Variants in SPATA22 observed in about 807,000 individuals in gnomAD.
SPATA22 encodes the protein spermatogenesis associated 22.
Under a neutral mutation model 47.8 loss-of-function variants are expected in SPATA22, and 29 were observed. The ratio of observed to expected loss-of-function variants is 0.61; its 90% confidence interval spans 0.45 to 0.83. The LOEUF (loss-of-function observed/expected upper bound fraction) is 0.83. SPATA22 is among the 40% of genes least tolerant of loss of function. The pLI is 0.00. For synonymous variants in SPATA22, 133 were observed against 140.9 expected (o/e 0.94, Z 0.40); for missense variants, 410 against 421.7 (o/e 0.97, Z 0.24).
intron 1 of SPATA22, among the ~76,000 whole-genome samples, chr17:3,492,532 T>A (rs1167584211): frequency 1.3e-5 from 2 of 152,218 alleles, no homozygotes; most frequent in Non-Finnish European, 2.9e-5. Context: ...AGATAGAGTC[T>A]ATTTTTCCAC....
At position 3,485,027 on chromosome 17, in the gene SPATA22, G is replaced by T. The variant is rs2029351; in HGVS notation, c.-73-15629C>A. ...ATCATTCACAGTAGGGTTTTGTTTT[G>T]TTTTTTTTCTGGAAAAGGGTCTCAC... On this transcript the variant is annotated intron_variant, in intron 1 of 8. Transcript: ENST00000541913. This position sits in a 1 kb window ranked among gnomAD's most constrained non-coding sequence, Gnocchi z 4.4. Among the ~76,000 whole-genome samples the T allele has an allele frequency of 0.27, 41,177 of 151,148 alleles. 5,921 individuals carry two copies. The highest frequency in any genetic ancestry group is 0.46 in the East Asian group (2,360 of 5,148).
chr17:3,491,877 CTTTTT>C (rs540965896), intron 1 of SPATA22, among the ~76,000 whole-genome samples: 7 of 123,064 alleles, frequency 5.7e-5, no homozygotes, highest in Non-Finnish European at 8.1e-5. Flanking sequence ...CTTTTGTTTT[CTTTTT>C]TTTTTTTTTT....
At chr17:3,461,322 A>G (rs1289803409) in intron 5 of SPATA22, among the ~76,000 whole-genome samples, 2 of 152,228 alleles carry the variant, frequency 1.3e-5, no homozygotes, top group African/African-American at 4.8e-5. Flanking sequence ...TCTTCAGCAG[A>G]TTACCAACTG....
chr17:3,509,921 G>A (rs60621034), intron 1 of SPATA22, among the ~76,000 whole-genome samples: 5,911 of 152,232 alleles, frequency 0.039, 264 homozygotes, highest in East Asian at 0.26. Context: ...GACCAGTGAT[G>A]ATGAGCTTTT....
At chr17:3,455,952 G>A (rs2072982486) in intron 5 of SPATA22, among the ~76,000 whole-genome samples, 1 of 152,096 alleles carries the variant, frequency 6.6e-6, no homozygotes, top group Admixed American at 6.6e-5. Context: ...CCATTTGTTT[G>A]TATCCTCTTT....
intron 3 of SPATA22, among the ~76,000 whole-genome samples, chr17:3,464,731 ACCCTCCGC>A (rs1597406684): frequency 8.2e-6 from 1 of 121,274 alleles, no homozygotes; most frequent in East Asian, 2.6e-4. Flanking sequence ...AAGGGAGGAG[ACCCTCCGC>A]CCGGCAACCG....
chr17:3,511,515 T>C (rs1022100363), intron 1 of SPATA22: 2 of 152,246 alleles, frequency 1.3e-5, no homozygotes, highest in African/African-American at 2.4e-5. Flanking sequence ...CTTTTCACTC[T>C]GATGCTTCTT....
Position 3,485,712 on chromosome 17 carries a change from T to A in SPATA22, c.-73-16314A>T, listed in dbSNP as rs62071297. Among the ~76,000 whole-genome samples, 56,028 of 152,022 alleles carry A rather than the reference T, an allele frequency of 0.37. 13,043 individuals carry two copies. The highest frequency in any genetic ancestry group is 0.54 in the Non-Finnish European group (36,732 of 67,944). On this transcript the variant is annotated intron_variant, in intron 1 of 8. Transcript: ENST00000541913. This position sits in a 1 kb window ranked among gnomAD's most constrained non-coding sequence, Gnocchi z 4.4. ...AAGACCTGTCAAAGATCTGAGAAAT[T>A]TTACCCGACTTACAAGCTAACCATT... is the stretch of plus-strand genomic sequence containing the variant.
rs190850127 is a variant in SPATA22 at position 3,440,317 on chromosome 17, T to G, written c.922A>C (p.Ile308Leu). 351 of 1,569,398 alleles carry G rather than the reference T, an allele frequency of 2.2e-4. 1 individual carries two copies. The East Asian group carries it at 6.3e-3, about 28-fold the overall frequency. The part of the protein sequence containing the change: ...YEIDRELPRL[I>L]RGRVHRCVGN... The stretch of plus-strand genomic sequence containing the variant: ...ACACATCTATGAACTCGGCCTCTAA[T>G]CAGTCTCGGAAGTTCACGATCCTGT... The change falls in exon 9 of 9, where the codon ATT becomes CTT. Residue 308 changes from isoleucine to leucine, a missense_variant. Ile to Leu is a conservative substitution (Grantham distance 5). Coordinates refer to ENST00000572969, the MANE Select transcript of SPATA22 (RefSeq NM_001170698.2).
intron 1 of SPATA22, chr17:3,502,172 T>A (rs188329105): frequency 1.4e-4 from 22 of 152,322 alleles, no homozygotes; most frequent in Admixed American, 1.4e-3. Flanking sequence ...AGCAAAAAGA[T>A]CATGAATTGC....
At chr17:3,462,181 A>G (rs939809163) in intron 5 of SPATA22, among the ~76,000 whole-genome samples, 2 of 152,226 alleles carry the variant, frequency 1.3e-5, no homozygotes, top group African/African-American at 4.8e-5. Context: ...TTAAATCATT[A>G]ATAACCCATA....
intron 5 of SPATA22, among the ~76,000 whole-genome samples, chr17:3,457,379 A>G (rs965959668): frequency 1.1e-4 from 17 of 152,212 alleles, no homozygotes; most frequent in Non-Finnish European, 1.9e-4. Context: ...ATGTACAAGA[A>G]TTGATATTGT....
In SPATA22 at chr17:3,481,745, A is replaced by T. The variant is rs769555860; in HGVS notation, c.-73-12347T>A. On this transcript the variant is annotated intron_variant, in intron 1 of 8. Coordinates refer to the SPATA22 transcript ENST00000541913. Reference sequence around the variant, plus strand: ...CACCTCTAACATGGGGTGCACTCTTATTCTTGAGGATTCCAGGAATAACTT... The same window carrying T: ...CACCTCTAACATGGGGTGCACTCTTTTTCTTGAGGATTCCAGGAATAACTT... 3 of 1,613,374 alleles carry T rather than the reference A, an allele frequency of 1.9e-6. No homozygotes were observed. The South Asian group carries it at 3.3e-5, about 18-fold the overall frequency.
At chr17:3,481,515 C>T in intron 1 of SPATA22, 1 of 1,247,086 alleles carries the variant, frequency 8.0e-7, no homozygotes, top group Non-Finnish European at 1.1e-6. Context: ...GATTTGGCGA[C>T]TGGTTCTTTT....
intron 5 of SPATA22, among the ~76,000 whole-genome samples, chr17:3,455,143 G>GT (rs1285446601): frequency 2.3e-5 from 3 of 130,456 alleles, no homozygotes; most frequent in Non-Finnish European, 3.8e-5. Context: ...TTTTTGATGG[G>GT]GTTTTTTTTT....
chr17:3,498,979 T>C (rs1217871494), intron 1 of SPATA22: 1 of 1,614,232 alleles, frequency 6.2e-7, no homozygotes, highest in Non-Finnish European at 8.5e-7. Flanking sequence ...GACTGTACCG[T>C]GTACCCCGTG....
chr17:3,476,071 T>C, upstream of SPATA22: 1 of 1,253,228 alleles, frequency 8.0e-7, no homozygotes, highest in Non-Finnish European at 1.2e-6. Flanking sequence ...TAAAGTCTCA[T>C]TTACATTTCT....
At chr17:3,506,053 C>T (rs757449407) in intron 1 of SPATA22, among the ~76,000 whole-genome samples, 20 of 152,128 alleles carry the variant, frequency 1.3e-4, no homozygotes, top group Non-Finnish European at 2.4e-4. Context: ...CCACCATGCC[C>T]GGCTGCTTTT....
upstream of SPATA22, among the ~76,000 whole-genome samples, chr17:3,476,742 C>A (rs933922679): frequency 1.3e-5 from 2 of 152,140 alleles, no homozygotes; most frequent in African/African-American, 4.8e-5. Flanking sequence ...AGTGTTTGGC[C>A]ACTATGCTTG....
Sources: gnomAD v4.1 joint callset for allele counts (sites outside exome capture counted in the v4.1 genomes callset) on GRCh38, gnomAD v4.1.1 for gene constraint, Gnocchi (gnomAD v3.1) non-coding constraint, MANE v1.5 for transcripts, NCBI Gene and HGNC (gene_info 2026-07-23, HGNC 2026-07-21) for gene names.